Variants in SH3RF1 observed in about 807,000 individuals in gnomAD.
The protein encoded by SH3RF1 is SH3 domain containing ring finger 1.
Under a neutral mutation model 74.0 loss-of-function variants are expected in SH3RF1, and 32 were observed. The observed-to-expected ratio is 0.43, with a 90% CI of 0.33 to 0.58. The LOEUF (loss-of-function observed/expected upper bound fraction) is 0.58, where lower values mean the gene tolerates loss of function less well. Among genes scored for constraint, SH3RF1 ranks in the 20% least tolerant of loss-of-function variants. SH3RF1 has a pLI of 0.05. For missense variants in SH3RF1, 954 were observed against 1,130.9 expected, an observed-to-expected ratio of 0.84 and a Z score of 2.24; for synonymous variants, 396 against 439.6, an observed-to-expected ratio of 0.90 and a Z score of 1.24.
intron 11 of SH3RF1, among the ~76,000 whole-genome samples, chr4:169,097,371 C>T (rs560029737): frequency 5.3e-5 from 8 of 152,264 alleles, no homozygotes; most frequent in African/African-American, 1.2e-4. Flanking sequence ...TTACCAGTAA[C>T]GAGGTTGACA....
intron 10 of SH3RF1, among the ~76,000 whole-genome samples, chr4:169,108,872 T>C (rs550337792): frequency 6.6e-6 from 1 of 152,236 alleles, no homozygotes; most frequent in East Asian, 1.9e-4. Flanking sequence ...GCTGAGAAAA[T>C]ACTGGAAGAG....
intron 2 of SH3RF1, among the ~76,000 whole-genome samples, chr4:169,204,535 C>G (rs967309464): frequency 2.0e-5 from 3 of 149,582 alleles, no homozygotes; most frequent in Non-Finnish European, 4.4e-5. Context: ...CTGGTTATCA[C>G]ATATATTACC....
At chr4:169,268,719 C>G in intron 2 of SH3RF1, 101 bp downstream of exon 2, 1 of 1,344,318 alleles carries the variant, frequency 7.4e-7, no homozygotes, top group Non-Finnish European at 1.0e-6. Context: ...GTATGGTTTC[C>G]TAAGCAATGA....
chr4:169,131,943 G>A (rs1363769002), intron 5 of SH3RF1, among the ~76,000 whole-genome samples: 1 of 152,212 alleles, frequency 6.6e-6, no homozygotes, highest in Non-Finnish European at 1.5e-5. Context: ...ATTTACAGGT[G>A]GTGAATACCA....
chr4:169,124,911 C>T (rs946347922), intron 6 of SH3RF1, among the ~76,000 whole-genome samples: 2 of 152,164 alleles, frequency 1.3e-5, no homozygotes, highest in African/African-American at 2.4e-5. Flanking sequence ...TTCATTCACC[C>T]GGAGGTGACC....
rs150860800 is a variant in SH3RF1, at chr4:169,101,501, G to T, written c.2499-4814C>A. Among the ~76,000 whole-genome samples the T allele has an allele frequency of 4.3e-3, 651 of 152,166 alleles. 6 individuals are homozygous for T. Among genetic ancestry groups the T allele is most frequent in the African/African-American group, 0.015 (624 of 41,522 alleles). On this transcript the variant is annotated intron_variant, in intron 11 of 11. Transcript: ENST00000284637. ...GCTTAATGAGTACAGATTCAGTTTA[G>T]GATGAGAAAAAGTTCTAGAAACGGA...
At chr4:169,204,550 CTTTTTTTTT>C (rs35188309) in intron 2 of SH3RF1, among the ~76,000 whole-genome samples, 2 of 114,150 alleles carry the variant, frequency 1.8e-5, no homozygotes, top group African/African-American at 6.3e-5. Flanking sequence ...ATTACCTTCT[CTTTTTTTTT>C]TTTTTTTTTT....
intron 2 of SH3RF1, among the ~76,000 whole-genome samples, chr4:169,223,632 A>G (rs532408147): frequency 2.0e-5 from 3 of 152,308 alleles, no homozygotes; most frequent in African/African-American, 7.2e-5. Context: ...TTTAAAAATT[A>G]TGTCCTTCTT....
At chr4:169,217,859 A>G (rs1282332597) in intron 2 of SH3RF1, among the ~76,000 whole-genome samples, 2 of 152,174 alleles carry the variant, frequency 1.3e-5, no homozygotes, top group African/African-American at 4.8e-5. Context: ...TTTTACCAAA[A>G]AACAAAAAAA....
At chr4:169,151,997 T>C (rs559013124) in intron 4 of SH3RF1, among the ~76,000 whole-genome samples, 6 of 152,334 alleles carry the variant, frequency 3.9e-5, no homozygotes, top group South Asian at 2.1e-4. Flanking sequence ...TAAAAATCTT[T>C]CCTTCTATTT....
chr4:169,163,296 C>G (rs917247778), intron 2 of SH3RF1, among the ~76,000 whole-genome samples: 1 of 151,302 alleles, frequency 6.6e-6, no homozygotes, highest in African/African-American at 2.4e-5. Flanking sequence ...TGCTATTAGA[C>G]TCTTCATTAA....
At chr4:169,216,592 G>T (rs67896455) in intron 2 of SH3RF1, among the ~76,000 whole-genome samples, 16,989 of 152,126 alleles carry the variant, frequency 0.11, 982 homozygotes, top group Middle Eastern at 0.16. Flanking sequence ...TATAGTCCGA[G>T]AACTATGGGA....
intron 2 of SH3RF1, among the ~76,000 whole-genome samples, chr4:169,259,580 T>G (rs1731243698): frequency 6.6e-6 from 1 of 152,192 alleles, no homozygotes; most frequent in Non-Finnish European, 1.5e-5. Context: ...ATTTTTCTTT[T>G]TAAGGTTACT....
At chr4:169,140,083 C>T (rs972701539) in intron 4 of SH3RF1, among the ~76,000 whole-genome samples, 1 of 152,152 alleles carries the variant, frequency 6.6e-6, no homozygotes, top group Non-Finnish European at 1.5e-5. Flanking sequence ...TCTTCTGAAG[C>T]AGCACATATT....
chr4:169,129,761 T>A (rs1733582041), intron 6 of SH3RF1, among the ~76,000 whole-genome samples: 1 of 152,216 alleles, frequency 6.6e-6, no homozygotes, highest in Non-Finnish European at 1.5e-5. Flanking sequence ...GAAATAAAGG[T>A]TAAGCTTCAG....
chr4:169,143,357 C>T (rs1733817673), intron 4 of SH3RF1, among the ~76,000 whole-genome samples: 2 of 152,066 alleles, frequency 1.3e-5, no homozygotes, highest in Non-Finnish European at 2.9e-5. Context: ...TGTACTATGT[C>T]TTTGAAACCC....
rs573617166 is a variant in SH3RF1, at chr4:169,097,621, T to C, written c.2499-934A>G. Among the ~76,000 whole-genome samples, 3 of 152,310 alleles carry C rather than the reference T, an allele frequency of 2.0e-5. No individual in the cohort carries two copies. The South Asian group carries it at 6.2e-4, about 32-fold the overall frequency. ...TTTATCTTTCTCTATTTTTCCAGCATTATTTGCATTACTCCTCTTCTCAAC... is the reference window on the plus strand; with the variant it reads ...TTTATCTTTCTCTATTTTTCCAGCACTATTTGCATTACTCCTCTTCTCAAC... On this transcript the variant is annotated intron_variant, in intron 11 of 11. Coordinates refer to ENST00000284637, the MANE Select transcript of SH3RF1 (RefSeq NM_020870.4).
intron 10 of SH3RF1, 104 bp downstream of exon 10, chr4:169,116,165 T>C: frequency 4.0e-6 from 6 of 1,500,608 alleles, no homozygotes; most frequent in Non-Finnish European, 5.4e-6. Context: ...TGAGGGTTTG[T>C]TGAACAGTGA....
chr4:169,230,656 C>G (rs1730722359), intron 2 of SH3RF1, among the ~76,000 whole-genome samples: 1 of 152,012 alleles, frequency 6.6e-6, no homozygotes, highest in African/African-American at 2.4e-5. Context: ...GTCAGGAGTT[C>G]AAGACCAGCC....
Sources: allele counts gnomAD v4.1 joint callset (sites outside exome capture counted in the v4.1 genomes callset), GRCh38; gene constraint gnomAD v4.1.1; transcripts MANE v1.5; gene names NCBI Gene and HGNC (gene_info 2026-07-23, HGNC 2026-07-21).